The following LRRC37A2 variants were observed in gnomAD, a reference collection of about 807,000 sequenced individuals.
LRRC37A2 encodes leucine-rich repeat-containing protein 37A2.
LRRC37A2 carries 9 observed loss-of-function variants against 68.8 expected under a neutral mutation model. The observed-to-expected ratio is 0.13, with a 90% CI of 0.08 to 0.23. The LOEUF is 0.23. Among genes scored for constraint, LRRC37A2 ranks in the 10% least tolerant of loss-of-function variants. LRRC37A2 has a pLI of 1.00. For missense variants in LRRC37A2, 168 were observed against 950.4 expected (o/e 0.18, Z 10.82); for synonymous variants, 63 against 367.6 (o/e 0.17, Z 9.48).
chr17:46,818,543 C>G, the LRRC37A2 span: 1 of 1,608,742 alleles, frequency 6.2e-7, no homozygotes, highest in East Asian at 2.2e-5. Context: ...CCAGCGAGGA[C>G]CCTGGTGCCA....
the LRRC37A2 span, among the ~76,000 whole-genome samples, chr17:46,498,738 C>T: frequency 2.1e-5 from 3 of 145,988 alleles, no homozygotes; most frequent in Non-Finnish European, 4.4e-5. Flanking sequence ...ACTAGAACTT[C>T]AGAGATAAAG....
chr17:46,777,904 C>A, the LRRC37A2 span, among the ~76,000 whole-genome samples: 3 of 152,222 alleles, frequency 2.0e-5, no homozygotes, highest in African/African-American at 7.2e-5. Flanking sequence ...CTGTCTCCTT[C>A]CTGTTGCCCA....
the LRRC37A2 span, among the ~76,000 whole-genome samples, chr17:46,502,942 G>C: frequency 6.6e-6 from 1 of 150,594 alleles, no homozygotes; most frequent in Non-Finnish European, 1.5e-5. Flanking sequence ...GCCAGGCGTG[G>C]TGGCTCACGC....
chr17:47,043,204 A>C, the LRRC37A2 span, among the ~76,000 whole-genome samples: 1 of 151,938 alleles, frequency 6.6e-6, no homozygotes, highest in African/African-American at 2.4e-5. Flanking sequence ...AATTAAAAAG[A>C]AAATCGATTC....
the LRRC37A2 span, among the ~76,000 whole-genome samples, chr17:46,943,928 A>T: frequency 7.9e-5 from 12 of 152,142 alleles, no homozygotes; most frequent in African/African-American, 2.9e-4. Context: ...ACCCTAGATA[A>T]GCTAAAGGCT....
At chr17:46,838,740 A>G in the LRRC37A2 span, among the ~76,000 whole-genome samples, 1 of 152,216 alleles carries the variant, frequency 6.6e-6, no homozygotes, top group East Asian at 1.9e-4. Context: ...TAATAAGCAT[A>G]TATCAGCCTT....
At chr17:46,799,879 G>A in the LRRC37A2 span, among the ~76,000 whole-genome samples, 1 of 152,206 alleles carries the variant, frequency 6.6e-6, no homozygotes, top group Admixed American at 6.5e-5. Flanking sequence ...TAGAAGCTAT[G>A]AAGTGGACAT....
the LRRC37A2 span, among the ~76,000 whole-genome samples, chr17:46,503,327 T>G: frequency 6.7e-6 from 1 of 149,824 alleles, no homozygotes; most frequent in East Asian, 2.0e-4. Flanking sequence ...ATTCACTCAA[T>G]CAACAGACCA....
the LRRC37A2 span, among the ~76,000 whole-genome samples, chr17:46,800,250 A>G: frequency 6.6e-6 from 1 of 152,120 alleles, no homozygotes; most frequent in Non-Finnish European, 1.5e-5. Context: ...AGCTGGCATT[A>G]CAGCTGCCCA....
At chr17:46,787,679 C>G in the LRRC37A2 span, among the ~76,000 whole-genome samples, 1 of 152,180 alleles carries the variant, frequency 6.6e-6, no homozygotes, top group Non-Finnish European at 1.5e-5. Flanking sequence ...CTCGGCCGGG[C>G]GCGGTGGCTC....
At chr17:46,716,007 T>C in the LRRC37A2 span, among the ~76,000 whole-genome samples, 1 of 152,206 alleles carries the variant, frequency 6.6e-6, no homozygotes, top group Non-Finnish European at 1.5e-5. Context: ...GGGAAAAATA[T>C]TATTCTTTGT....
chr17:46,503,255 G>A, the LRRC37A2 span, among the ~76,000 whole-genome samples: 3 of 145,708 alleles, frequency 2.1e-5, no homozygotes, highest in Non-Finnish European at 3.0e-5. Context: ...CCCAACAAGC[G>A]TTTCTCTTTC....
chr17:46,751,607 GTCCCTACAGGTAA>G, the LRRC37A2 span: 1 of 1,606,532 alleles, frequency 6.2e-7, no homozygotes, highest in Non-Finnish European at 8.5e-7. Context: ...TGATCGAGAT[GTCCCTACAGGTAA>G]GGTACTTCGT....
At chr17:46,873,912 C>A in the LRRC37A2 span, among the ~76,000 whole-genome samples, 1 of 151,678 alleles carries the variant, frequency 6.6e-6, no homozygotes, top group Non-Finnish European at 1.5e-5. Context: ...TTGCTTGAAC[C>A]CGGGAGGTGG....
At chr17:46,949,636 C>T in the LRRC37A2 span, among the ~76,000 whole-genome samples, 7 of 152,156 alleles carry the variant, frequency 4.6e-5, no homozygotes, top group African/African-American at 1.7e-4. Flanking sequence ...GAGCATGCAG[C>T]AATAAAGTGC....
At chr17:46,769,741 G>C in the LRRC37A2 span, 2 of 1,602,434 alleles carry the variant, frequency 1.2e-6, no homozygotes, top group South Asian at 1.1e-5. Flanking sequence ...GGGAAGCGGG[G>C]GGCTGCTCCC....
the LRRC37A2 span, among the ~76,000 whole-genome samples, chr17:46,684,898 C>T: frequency 9.8e-6 from 1 of 101,786 alleles, no homozygotes; most frequent in Non-Finnish European, 2.0e-5. Flanking sequence ...GATGTAATTT[C>T]TAGTGTGATG....
chr17:46,547,208 G>A (rs1598506572), intron 9 of LRRC37A2: 2 of 32,076 alleles, frequency 6.2e-5, no homozygotes, highest in African/African-American at 1.6e-4. Flanking sequence ...TTCTCCCCAA[G>A]AAGTGGGCAG....
the LRRC37A2 span, chr17:46,728,864 C>A: frequency 6.2e-7 from 1 of 1,606,458 alleles, no homozygotes; most frequent in Non-Finnish European, 8.5e-7. Flanking sequence ...GATTACGTCC[C>A]TATTGGCCCT....
Sources: allele counts gnomAD v4.1 joint callset (sites outside exome capture counted in the v4.1 genomes callset), GRCh38; gene constraint gnomAD v4.1.1; transcripts MANE v1.5; gene names NCBI Gene and HGNC (gene_info 2026-07-23, HGNC 2026-07-21).